Variants in WWOX observed in about 807,000 individuals in gnomAD.
WWOX encodes the protein WW domain-containing oxidoreductase.
In WWOX, 69 loss-of-function variants were observed where a neutral mutation model predicts 46.2. The ratio of observed to expected loss-of-function variants is 1.49; its 90% CI spans 1.23 to 1.82. The LOEUF is 1.82. Ranked by LOEUF, WWOX falls within the 40% of genes most tolerant of loss-of-function variation. WWOX has a pLI of 0.00. For synonymous variants in WWOX, 359 were observed against 202.6 expected, an observed-to-expected ratio of 1.77 and a Z score of -6.56; for missense variants, 919 against 542.6, an observed-to-expected ratio of 1.69 and a Z score of -6.89.
intron 8 of WWOX, among the ~76,000 whole-genome samples, chr16:79,092,749 C>G (rs151270995): frequency 6.6e-6 from 1 of 152,106 alleles, no homozygotes. Flanking sequence ...TTTTGGAGAT[C>G]TCTCTGGAAT....
intron 6 of WWOX, among the ~76,000 whole-genome samples, chr16:78,395,678 T>C (rs1019741540): frequency 2.0e-5 from 3 of 152,194 alleles, no homozygotes; most frequent in Non-Finnish European, 4.4e-5. Flanking sequence ...AGAGAAATTA[T>C]TGTTACTGTA....
intron 8 of WWOX, among the ~76,000 whole-genome samples, chr16:78,839,124 C>T (rs1467835311): frequency 6.6e-6 from 1 of 152,064 alleles, no homozygotes; most frequent in Non-Finnish European, 1.5e-5. Flanking sequence ...ACACTTATCT[C>T]AAAAATAAAA....
chr16:79,123,351 G>A (rs181173634), intron 8 of WWOX, among the ~76,000 whole-genome samples: 102 of 152,232 alleles, frequency 6.7e-4, no homozygotes, highest in Non-Finnish European at 6.2e-4. Context: ...GCACATCTTG[G>A]CATCTTACCT....
chr16:78,398,811 A>G (rs888491743), intron 6 of WWOX, among the ~76,000 whole-genome samples: 9 of 152,258 alleles, frequency 5.9e-5, no homozygotes, highest in African/African-American at 2.2e-4. Flanking sequence ...GAGAGGATTC[A>G]ATAACTGAAT....
intron 5 of WWOX, among the ~76,000 whole-genome samples, chr16:78,202,623 C>T (rs1321052062): frequency 1.3e-5 from 2 of 152,106 alleles, no homozygotes; most frequent in East Asian, 3.9e-4. Context: ...AATAAAATTT[C>T]ATTGGGAAAG....
At chr16:78,285,169 C>T (rs545506449) in intron 5 of WWOX, among the ~76,000 whole-genome samples, 1 of 152,062 alleles carries the variant, frequency 6.6e-6, no homozygotes, top group Non-Finnish European at 1.5e-5. Flanking sequence ...CAAGGTGGCT[C>T]ACATCTATAA....
At chr16:78,369,962 A>G (rs1196926058) in intron 5 of WWOX, among the ~76,000 whole-genome samples, 2 of 151,780 alleles carry the variant, frequency 1.3e-5, no homozygotes, top group African/African-American at 2.4e-5. Context: ...GTGAAACCCC[A>G]TCTCTACTAA....
chr16:79,108,916 A>G (rs990981802), intron 8 of WWOX, among the ~76,000 whole-genome samples: 39 of 151,912 alleles, frequency 2.6e-4, no homozygotes, highest in African/African-American at 9.2e-4. Flanking sequence ...ATTTAAAAAA[A>G]AAAGTTTTTT....
At chr16:78,393,645 C>G (rs571392769) in intron 6 of WWOX, among the ~76,000 whole-genome samples, 3 of 152,260 alleles carry the variant, frequency 2.0e-5, no homozygotes, top group South Asian at 2.1e-4. Flanking sequence ...TTGTATAATA[C>G]TGACCAAGGG....
chr16:78,136,498 C>G (rs559760986), intron 4 of WWOX, among the ~76,000 whole-genome samples: 1 of 152,218 alleles, frequency 6.6e-6, no homozygotes, highest in African/African-American at 2.4e-5. Flanking sequence ...TGAGCTCTTT[C>G]AAATCTAGAG....
chr16:78,331,470 C>T (rs528934160), intron 5 of WWOX, among the ~76,000 whole-genome samples: 120 of 152,296 alleles, frequency 7.9e-4, no homozygotes, highest in African/African-American at 2.7e-3. Context: ...AGGTGAGATT[C>T]TTTGGAGACC....
chr16:78,199,932 G>T (rs890649841), intron 5 of WWOX, among the ~76,000 whole-genome samples: 1 of 152,178 alleles, frequency 6.6e-6, no homozygotes, highest in Non-Finnish European at 1.5e-5. Flanking sequence ...TATGCAAGAA[G>T]AGCCATTTCC....
intron 5 of WWOX, among the ~76,000 whole-genome samples, chr16:78,291,720 A>AT (rs1255710049): frequency 6.6e-6 from 1 of 151,812 alleles, no homozygotes; most frequent in African/African-American, 2.4e-5. Flanking sequence ...TAAAAAATAA[A>AT]TAAAAAAAAA....
At chr16:78,340,017 T>TGGGCGG (rs1555522669) in intron 5 of WWOX, among the ~76,000 whole-genome samples, 10 of 6,788 alleles carry the variant, frequency 1.5e-3, no homozygotes, top group African/African-American at 3.9e-3. Flanking sequence ...ATGGATTTGG[T>TGGGCGG]GGGGGGGGGG....
At chr16:78,477,682 A>G (rs1281443634) in intron 8 of WWOX, among the ~76,000 whole-genome samples, 3 of 152,208 alleles carry the variant, frequency 2.0e-5, no homozygotes, top group Non-Finnish European at 2.9e-5. Context: ...TAGCCTATAA[A>G]CTGAAATGGC....
chr16:78,494,369 C>T (rs2151465708), intron 8 of WWOX, among the ~76,000 whole-genome samples: 1 of 152,276 alleles, frequency 6.6e-6, no homozygotes, highest in South Asian at 2.1e-4. Flanking sequence ...AGAGCCAAAC[C>T]ACACTGGAAG....
chr16:79,004,538 G>A (rs1251603943), intron 8 of WWOX: 1 of 152,284 alleles, frequency 6.6e-6, no homozygotes, highest in Non-Finnish European at 1.5e-5. Flanking sequence ...AGGACACTGT[G>A]TGACTGTGAG....
chr16:78,468,449 T>C (rs1170766429), intron 8 of WWOX, among the ~76,000 whole-genome samples: 1 of 151,914 alleles, frequency 6.6e-6, no homozygotes, highest in Non-Finnish European at 1.5e-5. Flanking sequence ...TCACACTGAG[T>C]TTGCAGATTC....
At chr16:79,117,056 A>G (rs964836817) in intron 8 of WWOX, among the ~76,000 whole-genome samples, 1 of 145,158 alleles carries the variant, frequency 6.9e-6, no homozygotes, top group Non-Finnish European at 1.5e-5. Flanking sequence ...TATTTTTTTT[A>G]TTGTTATTGT....
Sources: gnomAD v4.1 joint callset for allele counts (sites outside exome capture counted in the v4.1 genomes callset) on GRCh38, gnomAD v4.1.1 for gene constraint, MANE v1.5 for transcripts, NCBI Gene and HGNC (gene_info 2026-07-23, HGNC 2026-07-21) for gene names.